CPS1: variants seen among roughly 807,000 people sequenced by gnomAD.
The protein encoded by CPS1 is carbamoyl-phosphate synthase 1, also known as carbamoyl-phosphate synthase [ammonia], mitochondrial.
A neutral mutation model predicts 174.6 loss-of-function variants in CPS1; 109 were observed. That is an observed-to-expected ratio of 0.62 (90% CI 0.53 to 0.73). CPS1 has a LOEUF of 0.73. CPS1 is among the 30% of genes least tolerant of loss of function. CPS1 has a pLI of 0.00. For missense variants in CPS1, 1,689 were observed against 1,821.9 expected, an observed-to-expected ratio of 0.93 and a Z score of 1.33; for synonymous variants, 637 against 632.0, an observed-to-expected ratio of 1.01 and a Z score of -0.12.
chr2:210,663,042 G>A (rs950033623), intron 32 of CPS1, 81 bp from the exon 33 acceptor site: 8 of 1,325,464 alleles, frequency 6.0e-6, no homozygotes, highest in Non-Finnish European at 8.6e-6. Context: ...GAGATGATTT[G>A]CTAATATATT....
At chr2:210,552,443 C>T (rs181407584), upstream of CPS1, among the ~76,000 whole-genome samples, 92 of 152,140 alleles carry the variant, frequency 6.0e-4, no homozygotes, top group East Asian at 0.013. Flanking sequence ...GCATCTCTTG[C>T]ATGCTTGCTA....
chr2:210,636,619 A>C (rs1700048119), intron 21 of CPS1, among the ~76,000 whole-genome samples: 1 of 152,098 alleles, frequency 6.6e-6, no homozygotes, highest in Admixed American at 6.5e-5. Flanking sequence ...GTTAGGAGAC[A>C]TTAAAAGTAT....
At chr2:210,598,428 A>G (rs1698575123) in intron 13 of CPS1, among the ~76,000 whole-genome samples, 1 of 151,898 alleles carries the variant, frequency 6.6e-6, no homozygotes, top group South Asian at 2.1e-4. Context: ...AGCTGGATAA[A>G]AAAGCAAAAC....
At chr2:210,547,470 C>A (rs1156680394) in intron 1 of CPS1, among the ~76,000 whole-genome samples, 1 of 151,648 alleles carries the variant, frequency 6.6e-6, no homozygotes, top group African/African-American at 2.4e-5. Flanking sequence ...ATTGGGTTAC[C>A]TTCACAATAT....
chr2:210,657,953 A>G (rs377296482), intron 30 of CPS1, among the ~76,000 whole-genome samples: 1 of 152,234 alleles, frequency 6.6e-6, no homozygotes, highest in African/African-American at 2.4e-5. Flanking sequence ...TTTTATACCC[A>G]ATTACATTGC....
chr2:210,590,286 G>C, intron 8 of CPS1, 52 bp downstream of exon 8: 1 of 1,609,964 alleles, frequency 6.2e-7, no homozygotes, highest in Non-Finnish European at 8.5e-7. Flanking sequence ...GGGGGCTTCC[G>C]CTCTATACCC....
chr2:210,530,030 TA>T (rs1696077551), intron 1 of CPS1, among the ~76,000 whole-genome samples: 1 of 152,072 alleles, frequency 6.6e-6, no homozygotes, highest in Admixed American at 6.6e-5. Context: ...TTGTAGACCT[TA>T]AACATTTTAT....
At chr2:210,490,378 C>T (rs894599514) in intron 1 of CPS1, among the ~76,000 whole-genome samples, 8 of 152,104 alleles carry the variant, frequency 5.3e-5, no homozygotes, top group African/African-American at 1.9e-4. Context: ...CTTATGTGAC[C>T]TTCCTAGGTT....
chr2:210,584,132 G>A (rs777918533), intron 6 of CPS1, among the ~76,000 whole-genome samples: 2 of 152,016 alleles, frequency 1.3e-5, no homozygotes, highest in Non-Finnish European at 2.9e-5. Flanking sequence ...AGGAAGAATT[G>A]CTACCTTCTG....
At chr2:210,665,451 A>C in intron 33 of CPS1, among the ~76,000 whole-genome samples, 1 of 148,672 alleles carries the variant, frequency 6.7e-6, no homozygotes, top group Non-Finnish European at 1.5e-5. Context: ...CATTAGGTAT[A>C]TCTCCTAATG....
chr2:210,565,171 T>G (rs1697259729), intron 1 of CPS1, among the ~76,000 whole-genome samples: 2 of 152,072 alleles, frequency 1.3e-5, no homozygotes, highest in South Asian at 4.1e-4. Flanking sequence ...AAATTCCGTT[T>G]TAGTCCTTCT....
At position 210,648,491 on chromosome 2, in the gene CPS1, G is replaced by T. The variant is rs76340296; in HGVS notation, c.3355G>T (p.Ala1119Ser). 39 of 1,613,234 alleles carry T rather than the reference G, an allele frequency of 2.4e-5. No individual in the cohort carries two copies. Among genetic ancestry groups the T allele is most frequent in the Non-Finnish European group, 3.0e-5 (35 of 1,179,438 alleles). The part of the protein sequence containing the change: ...VNTLNEALEF[A>S]KSVDYPCLLR... ...TAATTAGAATGAAGCACTGGAATTT[G>T]CAAAGTCTGTGGACTACCCCTGCTT... The change falls in exon 27 of 38, where the codon GCA becomes TCA. Residue 1119 changes from alanine to serine, a missense_variant. Coordinates refer to ENST00000233072, the MANE Select transcript of CPS1 (RefSeq NM_001875.5).
chr2:210,523,700 T>C (rs1343502902), intron 1 of CPS1, among the ~76,000 whole-genome samples: 1 of 152,062 alleles, frequency 6.6e-6, no homozygotes, highest in Non-Finnish European at 1.5e-5. Context: ...CTAAATATTA[T>C]TCCATGGTAC....
At chr2:210,675,577 G>A in intron 35 of CPS1, 151 bp from the exon 36 acceptor site, 1 of 652,470 alleles carries the variant, frequency 1.5e-6, no homozygotes, top group South Asian at 1.8e-5. Context: ...AAGTGCCCAT[G>A]CCTCTGGACT....
intron 16 of CPS1, among the ~76,000 whole-genome samples, chr2:210,604,092 T>G (rs1698819399): frequency 6.6e-6 from 1 of 151,886 alleles, no homozygotes; most frequent in African/African-American, 2.4e-5. Context: ...TAATCATTAT[T>G]AAATTGTTAA....
intron 34 of CPS1, among the ~76,000 whole-genome samples, chr2:210,669,957 G>A (rs909998097): frequency 1.3e-5 from 2 of 152,028 alleles, no homozygotes; most frequent in Non-Finnish European, 2.9e-5. Context: ...AGTGCTGCAG[G>A]GAAATGTGAA....
chr2:210,493,352 T>C (rs1694916779), intron 1 of CPS1, among the ~76,000 whole-genome samples: 1 of 152,216 alleles, frequency 6.6e-6, no homozygotes, highest in African/African-American at 2.4e-5. Flanking sequence ...GAACACAGTC[T>C]GGGTGTCCCA....
rs1384082458 is a variant in CPS1 at position 210,657,964 on chromosome 2, T to C, written c.3667-635T>C. Among the ~76,000 whole-genome samples, 4 of 152,354 alleles carry C rather than the reference T, an allele frequency of 2.6e-5. No homozygotes were observed. The South Asian group carries it at 8.3e-4, about 32-fold the overall frequency. ...TTCGTTTTATACCCAATTACATTGCTGAACCACTCTTGTGAGCATAATGAG... is the reference window on the plus strand; with the variant it reads ...TTCGTTTTATACCCAATTACATTGCCGAACCACTCTTGTGAGCATAATGAG... On this transcript the variant is annotated intron_variant, in intron 30 of 37. Transcript: ENST00000233072.
chr2:210,599,180 T>C (rs1223287578), intron 13 of CPS1, among the ~76,000 whole-genome samples, 192 bp from the exon 14 acceptor site: 1 of 151,878 alleles, frequency 6.6e-6, no homozygotes, highest in African/African-American at 2.4e-5. Flanking sequence ...GATAGTTTCA[T>C]TTTCAAGAAT....
Sources: gnomAD v4.1 joint callset for allele counts (sites outside exome capture counted in the v4.1 genomes callset) on GRCh38, gnomAD v4.1.1 for gene constraint, MANE v1.5 for transcripts, NCBI Gene and HGNC (gene_info 2026-07-23, HGNC 2026-07-21) for gene names.